The following PTK2 variants were observed in gnomAD, a reference collection of about 807,000 sequenced individuals.
PTK2 encodes the protein focal adhesion kinase 1.
In PTK2, 45 loss-of-function variants were observed where a neutral mutation model predicts 150.1. That is an observed-to-expected ratio of 0.30 (90% CI 0.24 to 0.38). The LOEUF is 0.38. PTK2 is among the 10% of genes least tolerant of loss of function. The pLI is 1.00. For synonymous variants in PTK2, 432 were observed against 449.2 expected (o/e 0.96, Z 0.48); for missense variants, 919 against 1,307.3 (o/e 0.70, Z 4.58).
chr8:140,746,600 G>GATATTTATA lies in PTK2; in HGVS notation c.1518+151_1518+159dup, dbSNP rs1470604483. The GATATTTATA allele has an allele frequency of 2.2e-5, 11 of 494,752 alleles. No homozygotes were observed. In the East Asian group the frequency reaches 3.6e-4, roughly 16 times the overall value. The allele number at this position is 494,752 out of a possible 1,614,324, so 30.6% of individuals were successfully genotyped here. A position where few individuals can be genotyped will look rare whatever the true frequency, so the allele number is the denominator to read the frequency against. ...GATGCTTTGGGAATTTAATGATGAA[G>GATATTTATA]ATATTTATACCCATATTCTCTGAAC... is the stretch of plus-strand genomic sequence containing the variant. On this transcript the variant is annotated intron_variant, in intron 18 of 31. Coordinates refer to ENST00000522684, the Ensembl canonical transcript of PTK2.
intron 1 of PTK2, among the ~76,000 whole-genome samples, chr8:140,981,400 C>A (rs1170505304): frequency 6.6e-6 from 1 of 152,078 alleles, no homozygotes; most frequent in Admixed American, 6.6e-5. Flanking sequence ...TGGGACAGAA[C>A]CTGTGGGGCA....
intron 23 of PTK2, among the ~76,000 whole-genome samples, chr8:140,716,231 G>C (rs1308651069): frequency 6.6e-6 from 1 of 152,194 alleles, no homozygotes; most frequent in African/African-American, 2.4e-5. Context: ...TTCAAGGCCT[G>C]AGAAGTTAAT....
intron 1 of PTK2, among the ~76,000 whole-genome samples, chr8:140,999,456 C>T (rs2100199154): frequency 6.6e-6 from 1 of 152,218 alleles, no homozygotes; most frequent in South Asian, 2.1e-4. Flanking sequence ...TGTTTTTCCC[C>T]ACCAAGGATA....
At chr8:140,757,998 A>C (rs992766407) in intron 16 of PTK2, among the ~76,000 whole-genome samples, 1 of 151,912 alleles carries the variant, frequency 6.6e-6, no homozygotes, top group African/African-American at 2.4e-5. Flanking sequence ...AATGATAATA[A>C]ACGACTATGT....
chr8:140,805,448 A>T (rs2100097643), intron 10 of PTK2, among the ~76,000 whole-genome samples: 1 of 151,836 alleles, frequency 6.6e-6, no homozygotes, highest in Non-Finnish European at 1.5e-5. Context: ...AATTGCAGCT[A>T]CTCAGGAGGC....
intron 1 of PTK2, among the ~76,000 whole-genome samples, chr8:140,982,597 C>CA (rs543366153): frequency 9.5e-4 from 143 of 149,776 alleles, no homozygotes; most frequent in African/African-American, 3.4e-3. Context: ...ACTCAATCTC[C>CA]AAAAAAAAAG....
intron 27 of PTK2, among the ~76,000 whole-genome samples, chr8:140,685,219 C>T (rs1163495990): frequency 6.6e-6 from 1 of 152,162 alleles, no homozygotes; most frequent in Admixed American, 6.5e-5. Context: ...GGGACCCTTC[C>T]TTACACCATA....
chr8:140,765,796 G>A (rs1027233660), intron 14 of PTK2, among the ~76,000 whole-genome samples: 1 of 152,066 alleles, frequency 6.6e-6, no homozygotes, highest in African/African-American at 2.4e-5. Flanking sequence ...ATTTGGGGAC[G>A]GAAGGAAGCT....
intron 31 of PTK2, chr8:140,660,568 T>C (rs1486545650): frequency 4.4e-6 from 2 of 452,378 alleles, no homozygotes; most frequent in Non-Finnish European, 8.9e-6. Flanking sequence ...TACAAAAAAA[T>C]ACAAAAAGTT....
intron 26 of PTK2, among the ~76,000 whole-genome samples, chr8:140,697,669 G>A (rs751905641): frequency 8.6e-5 from 13 of 152,010 alleles, no homozygotes; most frequent in Admixed American, 2.0e-4. Flanking sequence ...GCCTCTCAAA[G>A]TGCTGGGGTT....
At chr8:140,887,493 T>C (rs1310296041) in intron 3 of PTK2, among the ~76,000 whole-genome samples, 3 of 152,206 alleles carry the variant, frequency 2.0e-5, no homozygotes, top group Non-Finnish European at 2.9e-5. Context: ...ACTTATTAAC[T>C]GAAGCATGAT....
At chr8:140,990,563 A>C (rs1045096818) in intron 1 of PTK2, among the ~76,000 whole-genome samples, 1 of 152,116 alleles carries the variant, frequency 6.6e-6, no homozygotes, top group African/African-American at 2.4e-5. Flanking sequence ...TCAAGAAGAA[A>C]TTGTTCCAGG....
chr8:140,677,899 C>G (rs1184301664), intron 27 of PTK2, among the ~76,000 whole-genome samples: 1 of 152,164 alleles, frequency 6.6e-6, no homozygotes, highest in Non-Finnish European at 1.5e-5. Flanking sequence ...GCCTGGGGAG[C>G]AAACAGCTAA....
intron 1 of PTK2, among the ~76,000 whole-genome samples, chr8:140,994,946 T>C (rs2100197054): frequency 6.6e-6 from 1 of 151,974 alleles, no homozygotes; most frequent in South Asian, 2.1e-4. Context: ...TAGCCTGGTG[T>C]GGTGGTACAT....
intron 2 of PTK2, among the ~76,000 whole-genome samples, chr8:140,922,756 G>T (rs2100167998): frequency 6.6e-6 from 1 of 152,124 alleles, no homozygotes; most frequent in Non-Finnish European, 1.5e-5. Flanking sequence ...AAAAATGAGA[G>T]CACTAAGACT....
chr8:140,738,521 A>G (rs951246252), intron 21 of PTK2, among the ~76,000 whole-genome samples: 1 of 152,230 alleles, frequency 6.6e-6, no homozygotes, highest in South Asian at 2.1e-4. Context: ...TTATCAAAAA[A>G]GCAGAAGCTA....
chr8:140,679,315 G>A (rs11780289), intron 27 of PTK2, among the ~76,000 whole-genome samples: 58,765 of 151,610 alleles, frequency 0.39, 12,717 homozygotes, highest in Non-Finnish European at 0.49. Flanking sequence ...GTGAGCCACC[G>A]CGCCTGGCCC....
intron 1 of PTK2, among the ~76,000 whole-genome samples, chr8:140,980,268 G>C (rs1024660426): frequency 1.3e-5 from 2 of 152,202 alleles, no homozygotes; most frequent in African/African-American, 4.8e-5. Flanking sequence ...TCAGAGTGCA[G>C]GATGGGAGGA....
exon 32 of PTK2, chr8:140,658,938 T>C (rs1465605268): frequency 4.4e-6 from 1 of 224,952 alleles, no homozygotes; most frequent in Non-Finnish European, 8.9e-6. Flanking sequence ...ATATAGCTTT[T>C]ATATTCTTTG....
Sources: allele counts gnomAD v4.1 joint callset (sites outside exome capture counted in the v4.1 genomes callset), GRCh38; gene constraint gnomAD v4.1.1; transcripts MANE v1.5; gene names NCBI Gene and HGNC (gene_info 2026-07-23, HGNC 2026-07-21).